INSR: variants seen among roughly 807,000 people sequenced by gnomAD.
The protein encoded by INSR is insulin receptor, also known as IR.
INSR carries 67 observed loss-of-function variants against 142.6 expected under a neutral mutation model. The observed-to-expected ratio is 0.47, with a 90% CI of 0.39 to 0.58. The LOEUF is 0.58. Among genes scored for constraint, INSR ranks in the 20% least tolerant of loss-of-function variants. INSR has a pLI of 0.00. For synonymous variants in INSR, 756 were observed against 743.1 expected (o/e 1.02, Z -0.28); for missense variants, 1,248 against 1,833.2 (o/e 0.68, Z 5.83).
chr19:7,134,713 C>T (rs116501766), intron 13 of INSR, among the ~76,000 whole-genome samples: 2,108 of 151,800 alleles, frequency 0.014, 25 homozygotes, highest in African/African-American at 0.032. Flanking sequence ...TGTAGTGAGT[C>T]GAGATCGTGA....
intron 2 of INSR, among the ~76,000 whole-genome samples, chr19:7,245,972 A>G (rs1452092790): frequency 6.6e-6 from 1 of 152,182 alleles, no homozygotes; most frequent in African/African-American, 2.4e-5. Context: ...AGTGGAATTC[A>G]TAAAGTTAAA....
At chr19:7,228,858 AG>A (rs1418919374) in intron 2 of INSR, among the ~76,000 whole-genome samples, 13 of 152,188 alleles carry the variant, frequency 8.5e-5, no homozygotes, top group Admixed American at 7.9e-4. Flanking sequence ...GGGTGGGTGG[AG>A]GGATGGATGA....
intron 8 of INSR, among the ~76,000 whole-genome samples, chr19:7,165,598 C>T (rs1252126786): frequency 2.6e-5 from 4 of 151,858 alleles, no homozygotes; most frequent in Admixed American, 2.6e-4. Flanking sequence ...CAAGGTGGCT[C>T]ACACTTCTAA....
At chr19:7,138,022 G>C (rs1972980841) in intron 13 of INSR, among the ~76,000 whole-genome samples, 1 of 146,144 alleles carries the variant, frequency 6.8e-6, no homozygotes, top group Non-Finnish European at 1.5e-5. Flanking sequence ...GGAGTGCAGT[G>C]GCGTGATCTC....
chr19:7,278,100 A>G (rs1170145739), intron 1 of INSR, among the ~76,000 whole-genome samples: 3 of 152,170 alleles, frequency 2.0e-5, no homozygotes, highest in African/African-American at 7.2e-5. Flanking sequence ...TCTCAAAAAA[A>G]TTAAAAAATA....
intron 1 of INSR, among the ~76,000 whole-genome samples, chr19:7,275,695 G>A (rs912344831): frequency 1.6e-4 from 24 of 151,770 alleles, no homozygotes; most frequent in Admixed American, 1.3e-3. Context: ...GCTGAGGCAG[G>A]AGAATCGCTT....
At chr19:7,264,459 A>C (rs1235788833) in intron 2 of INSR, among the ~76,000 whole-genome samples, 1 of 152,234 alleles carries the variant, frequency 6.6e-6, no homozygotes, top group Non-Finnish European at 1.5e-5. Context: ...AAATTCATAG[A>C]GGAATGTCTT....
chr19:7,197,515 G>GT (rs774219991), intron 2 of INSR, among the ~76,000 whole-genome samples: 19,555 of 57,410 alleles, frequency 0.34, 5,380 homozygotes, highest in African/African-American at 0.43. Flanking sequence ...GTGGGAGTGG[G>GT]GGTGTGTGTG....
In INSR at chr19:7,294,315, T is replaced by C. The variant is rs929908100; in HGVS notation, c.-424A>G. 1.1e-5 allele frequency among the ~76,000 whole-genome samples: 1 copy of C among 92,928 alleles called. No homozygotes were observed. The highest frequency in any genetic ancestry group is 3.3e-4 in the East Asian group (1 of 3,026). The allele number at this position is 92,928 out of a possible 152,430, so 61.0% of individuals were successfully genotyped here. Reference sequence around the variant, plus strand: ...GCGGGCGGGCACCTGGGCTGGCGGGTGGCGGGCGGGCGGCGGGAGAGAGGG... The same window carrying C: ...GCGGGCGGGCACCTGGGCTGGCGGGCGGCGGGCGGGCGGCGGGAGAGAGGG... On this transcript the variant is annotated 5_prime_UTR_variant, in exon 1 of 22. Transcript: ENST00000302850.
At chr19:7,272,471 A>T (rs1356533383) in intron 1 of INSR, among the ~76,000 whole-genome samples, 1 of 151,986 alleles carries the variant, frequency 6.6e-6, no homozygotes, top group Non-Finnish European at 1.5e-5. Context: ...TACAAAAATT[A>T]GCTGGGCGGG....
chr19:7,193,134 C>G (rs1335564460), intron 2 of INSR, among the ~76,000 whole-genome samples: 1 of 150,286 alleles, frequency 6.7e-6, no homozygotes, highest in South Asian at 2.1e-4. Flanking sequence ...TTTTTTTTTC[C>G]CCAGATGGAG....
chr19:7,237,623 G>A (rs980124205), intron 2 of INSR, among the ~76,000 whole-genome samples: 3 of 151,958 alleles, frequency 2.0e-5, no homozygotes, highest in Non-Finnish European at 4.4e-5. Flanking sequence ...AGACCATCCT[G>A]GCTAGCATGG....
At chr19:7,174,410 G>C (rs1188159960) in intron 4 of INSR, among the ~76,000 whole-genome samples, 173 bp downstream of exon 4, 5 of 152,128 alleles carry the variant, frequency 3.3e-5, no homozygotes, top group African/African-American at 1.2e-4. Flanking sequence ...TTCATTTCAG[G>C]TTTTGAGGCA....
At chr19:7,283,703 G>T (rs1411198402) in intron 1 of INSR, among the ~76,000 whole-genome samples, 1 of 152,182 alleles carries the variant, frequency 6.6e-6, no homozygotes, top group Non-Finnish European at 1.5e-5. Context: ...GCCTCCCAAA[G>T]TGCTGGGATT....
intron 2 of INSR, among the ~76,000 whole-genome samples, chr19:7,264,377 C>A (rs932838534): frequency 2.0e-5 from 3 of 151,984 alleles, no homozygotes; most frequent in African/African-American, 7.3e-5. Context: ...AACTGAACAC[C>A]CAGCAGGGAG....
intron 2 of INSR, among the ~76,000 whole-genome samples, chr19:7,260,864 T>C (rs1977037260): frequency 6.6e-6 from 1 of 150,614 alleles, no homozygotes; most frequent in Non-Finnish European, 1.5e-5. Flanking sequence ...CCGGTGCTGC[T>C]TGCCTCAAAG....
At chr19:7,292,097 T>TA (rs199719641) in intron 1 of INSR, among the ~76,000 whole-genome samples, 1 of 149,568 alleles carries the variant, frequency 6.7e-6, no homozygotes, top group Non-Finnish European at 1.5e-5. Context: ...CCCGCCTTTT[T>TA]TTTTATTTTT....
In INSR at chr19:7,119,599, G is replaced by A; in HGVS notation, c.3660-16C>T. On this transcript the variant is annotated splice_polypyrimidine_tract_variant and intron_variant, in intron 20 of 21. Transcript: ENST00000302850. This position sits in a 1 kb window ranked among gnomAD's most constrained non-coding sequence, Gnocchi z 5.2. ...GCCAAAGGACCTGCCGATGACAGTT[G>A]ATAGTAGTAACAAAGAAGCCATTTA... The A allele has an allele frequency of 1.2e-6, 2 of 1,613,674 alleles. No individual in the cohort carries two copies. The highest frequency in any genetic ancestry group is 8.5e-7 in the Non-Finnish European group (1 of 1,179,950).
At position 7,117,413 on chromosome 19, in the gene INSR, G is replaced by T; in HGVS notation, c.3795-3C>A. ...AGCACATGCGCATGAGGTCAGTGCT[G>T]CGGGGCAGAAGGACACGTCCTGGGT... On this transcript the variant is annotated splice_polypyrimidine_tract_variant and splice_region_variant and intron_variant, in intron 21 of 21. Coordinates refer to ENST00000302850, the MANE Select transcript of INSR (RefSeq NM_000208.4). 1.2e-6 allele frequency: 2 copies of T among 1,610,114 alleles called. No individual in the cohort carries two copies. Among genetic ancestry groups the T allele is most frequent in the Non-Finnish European group, 1.7e-6 (2 of 1,176,784 alleles).
Sources: allele counts gnomAD v4.1 joint callset (sites outside exome capture counted in the v4.1 genomes callset), GRCh38; gene constraint gnomAD v4.1.1; non-coding constraint Gnocchi (gnomAD v3.1); transcripts MANE v1.5; gene names NCBI Gene and HGNC (gene_info 2026-07-23, HGNC 2026-07-21).